The following RNGTT variants were observed in gnomAD, a reference collection of about 807,000 sequenced individuals.
The protein encoded by RNGTT is mRNA-capping enzyme.
A neutral mutation model predicts 79.3 loss-of-function variants in RNGTT; 33 were observed. The ratio of observed to expected loss-of-function variants is 0.42; its 90% CI spans 0.32 to 0.56. The LOEUF is 0.56. Ranked by LOEUF, RNGTT falls within the 20% of genes least tolerant of loss-of-function variation. The pLI, the probability that RNGTT is intolerant of heterozygous loss-of-function variation, is 0.17. For synonymous variants in RNGTT, 222 were observed against 235.9 expected, an observed-to-expected ratio of 0.94 and a Z score of 0.54; for missense variants, 497 against 739.1, an observed-to-expected ratio of 0.67 and a Z score of 3.80.
chr6:88,791,578 C>T (rs7750896), intron 12 of RNGTT, among the ~76,000 whole-genome samples: 2,152 of 152,076 alleles, frequency 0.014, 46 homozygotes, highest in African/African-American at 0.049. Context: ...CTGGCTCTGA[C>T]GCCCAGGCTG....
At chr6:88,640,421 T>C (rs1014328056) in intron 14 of RNGTT, among the ~76,000 whole-genome samples, 21 of 147,960 alleles carry the variant, frequency 1.4e-4, no homozygotes, top group African/African-American at 5.0e-4. Flanking sequence ...CATGGTGGCA[T>C]GTGCCTGTAG....
intron 14 of RNGTT, among the ~76,000 whole-genome samples, chr6:88,662,064 AC>A (rs1264818430): frequency 2.0e-5 from 3 of 152,194 alleles, no homozygotes; most frequent in Non-Finnish European, 4.4e-5. Context: ...AAAAACAAAA[AC>A]CATATCAATG....
At chr6:88,615,482 T>C (rs1441448915) in intron 14 of RNGTT, among the ~76,000 whole-genome samples, 1 of 152,218 alleles carries the variant, frequency 6.6e-6, no homozygotes, top group Non-Finnish European at 1.5e-5. Flanking sequence ...CTCAGTGGTT[T>C]TGGAACTAGA....
intron 11 of RNGTT, among the ~76,000 whole-genome samples, chr6:88,840,141 G>A (rs1456281154): frequency 4.6e-5 from 7 of 152,038 alleles, no homozygotes; most frequent in South Asian, 2.1e-4. Flanking sequence ...TGTAAGGTTC[G>A]TAATATCACT....
At chr6:88,867,062 T>C (rs1782198221) in intron 8 of RNGTT, among the ~76,000 whole-genome samples, 1 of 152,212 alleles carries the variant, frequency 6.6e-6, no homozygotes, top group Non-Finnish European at 1.5e-5. Context: ...GGCCCCAGCC[T>C]AGACTTTCTG....
At chr6:88,929,329 T>C in intron 2 of RNGTT, 62 bp from the exon 3 acceptor site, 1 of 1,026,312 alleles carries the variant, frequency 9.7e-7, no homozygotes, top group Non-Finnish European at 1.5e-6. Context: ...CCCAAATAAG[T>C]AGACTAAATG....
intron 11 of RNGTT, among the ~76,000 whole-genome samples, chr6:88,829,239 A>G (rs1780769062): frequency 6.6e-6 from 1 of 152,242 alleles, no homozygotes; most frequent in African/African-American, 2.4e-5. Context: ...CTTAAAGGAA[A>G]GAATTTTCAA....
intron 10 of RNGTT, 25 bp from the exon 11 acceptor site, chr6:88,844,546 A>C: frequency 6.3e-7 from 1 of 1,588,496 alleles, no homozygotes; most frequent in Non-Finnish European, 8.6e-7. Context: ...GAATTAGTTA[A>C]ATTTCAACAC....
At chr6:88,899,267 G>A (rs983553184) in intron 6 of RNGTT, among the ~76,000 whole-genome samples, 30 of 150,466 alleles carry the variant, frequency 2.0e-4, no homozygotes, top group African/African-American at 6.8e-4. Context: ...AGAAGGTTTC[G>A]GCTTTTTTTT....
intron 14 of RNGTT, among the ~76,000 whole-genome samples, chr6:88,641,848 A>C (rs115686523): frequency 0.02 from 3,101 of 152,332 alleles, 114 homozygotes; most frequent in African/African-American, 0.069. Context: ...CTGTATTCAC[A>C]CATACACAGC....
At chr6:88,945,624 A>G (rs1411268028) in intron 1 of RNGTT, among the ~76,000 whole-genome samples, 1 of 152,118 alleles carries the variant, frequency 6.6e-6, no homozygotes, top group South Asian at 2.1e-4. Flanking sequence ...TCTGCCTGGG[A>G]GAAGTTTTAT....
chr6:88,679,293 A>G (rs1774999190), intron 13 of RNGTT, among the ~76,000 whole-genome samples: 1 of 152,204 alleles, frequency 6.6e-6, no homozygotes, highest in Non-Finnish European at 1.5e-5. Flanking sequence ...GAAAAGTTTG[A>G]ATAGATGGGA....
chr6:88,799,700 CAA>C lies in RNGTT; in HGVS notation c.1338+1862_1338+1863del, dbSNP rs36033019. Among the ~76,000 whole-genome samples the C allele has an allele frequency of 5.3e-3, 246 of 46,222 alleles. 3 individuals are homozygous for C. The East Asian group carries it at 0.097, about 18-fold the overall frequency. The allele number at this position is 46,222 out of a possible 152,430, so 30.3% of individuals were successfully genotyped here. The stretch of plus-strand genomic sequence containing the variant: ...GGGCAACAAGAGCAAAACTCCATCT[CAA>C]AAAAAAAAAAAAAAAAAAAAAGTAT... On this transcript the variant is annotated intron_variant, in intron 12 of 15. Coordinates refer to ENST00000369485, the MANE Select transcript of RNGTT (RefSeq NM_003800.5).
rs147677185 is a variant in RNGTT at position 88,860,463 on chromosome 6, T to C, written c.897-6699A>G. Reference sequence around the variant, plus strand: ...CCTTTCCCAAAACTTTTAACTTGAGTGACAGAGAGGCACAAGAATAGTTGC... The same window carrying C: ...CCTTTCCCAAAACTTTTAACTTGAGCGACAGAGAGGCACAAGAATAGTTGC... On this transcript the variant is annotated intron_variant, in intron 8 of 15. Coordinates refer to ENST00000369485, the MANE Select transcript of RNGTT (RefSeq NM_003800.5). 3.3e-3 allele frequency among the ~76,000 whole-genome samples: 506 copies of C among 152,234 alleles called. 3 individuals are homozygous for C. Among genetic ancestry groups the C allele is most frequent in the African/African-American group, 0.012 (480 of 41,528 alleles).
intron 8 of RNGTT, among the ~76,000 whole-genome samples, chr6:88,869,576 T>G (rs1257590267): frequency 6.6e-6 from 1 of 152,112 alleles, no homozygotes; most frequent in Non-Finnish European, 1.5e-5. Flanking sequence ...TTGGGATCTA[T>G]CTAAACTGTG....
At chr6:88,670,515 C>T (rs960130437) in intron 14 of RNGTT, among the ~76,000 whole-genome samples, 2 of 152,042 alleles carry the variant, frequency 1.3e-5, no homozygotes, top group Admixed American at 6.6e-5. Context: ...GGAAGGAGAC[C>T]ACCTCTCCCA....
chr6:88,786,757 A>T (rs1408708400), intron 12 of RNGTT, among the ~76,000 whole-genome samples: 1 of 152,164 alleles, frequency 6.6e-6, no homozygotes, highest in Non-Finnish European at 1.5e-5. Context: ...TACATTTCAA[A>T]TTTTTTTAAA....
At chr6:88,677,098 C>CA (rs1010369643) in intron 14 of RNGTT, among the ~76,000 whole-genome samples, 8 of 151,898 alleles carry the variant, frequency 5.3e-5, no homozygotes, top group Non-Finnish European at 1.0e-4. Context: ...TACTTGGCAA[C>CA]AAAAAATAAT....
chr6:88,848,716 T>C (rs1443681110), intron 10 of RNGTT, among the ~76,000 whole-genome samples: 1 of 151,906 alleles, frequency 6.6e-6, no homozygotes, highest in African/African-American at 2.4e-5. Flanking sequence ...ATGGGAACAA[T>C]AAACACACCA....
Sources: allele counts gnomAD v4.1 joint callset (sites outside exome capture counted in the v4.1 genomes callset), GRCh38; gene constraint gnomAD v4.1.1; transcripts MANE v1.5; gene names NCBI Gene and HGNC (gene_info 2026-07-23, HGNC 2026-07-21).